MAST4: variants seen among roughly 807,000 people sequenced by gnomAD.
The protein encoded by MAST4 is microtubule associated serine/threonine kinase family member 4, also known as microtubule-associated serine/threonine-protein kinase 4.
MAST4 carries 89 observed loss-of-function variants against 162.7 expected under a neutral mutation model. The ratio of observed to expected loss-of-function variants is 0.55; its 90% CI spans 0.46 to 0.65. The LOEUF (loss-of-function observed/expected upper bound fraction) is 0.65. MAST4 is among the 30% of genes least tolerant of loss of function. MAST4 has a pLI of 0.00. For missense variants in MAST4, 3,153 were observed against 3,374.0 expected, an observed-to-expected ratio of 0.93 and a Z score of 1.62; for synonymous variants, 1,479 against 1,361.1, an observed-to-expected ratio of 1.09 and a Z score of -1.91.
rs559353527 is a variant in MAST4 at position 67,168,490 on chromosome 5, T to G, written c.*1439T>G. The G allele has an allele frequency of 6.6e-6, 1 of 152,320 alleles. No homozygotes were observed. Among genetic ancestry groups the G allele is most frequent in the East Asian group, 1.9e-4 (1 of 5,190 alleles). 9.4% of individuals were successfully genotyped at this position (152,320 alleles called of 1,614,324 possible). ...AGAATTTGTCAAATCATTTTAGTGCTGAAGGTTTTTGATTTCTTGTTTTTG... is the reference window on the plus strand; with the variant it reads ...AGAATTTGTCAAATCATTTTAGTGCGGAAGGTTTTTGATTTCTTGTTTTTG... On this transcript the variant is annotated 3_prime_UTR_variant, in exon 29 of 29. Coordinates refer to ENST00000403625, the MANE Select transcript of MAST4 (RefSeq NM_001164664.2).
intron 5 of MAST4, among the ~76,000 whole-genome samples, chr5:67,082,841 G>T (rs1486608748): frequency 6.6e-6 from 1 of 152,076 alleles, no homozygotes; most frequent in Admixed American, 6.6e-5. Context: ...TGTTAAACAG[G>T]TGAATCTGAG....
chr5:66,895,795 A>T (rs1272649319), intron 3 of MAST4, among the ~76,000 whole-genome samples: 2 of 152,138 alleles, frequency 1.3e-5, no homozygotes, highest in East Asian at 3.9e-4. Flanking sequence ...TCAGCCCCAC[A>T]TCAGTCTTCC....
intron 4 of MAST4, among the ~76,000 whole-genome samples, chr5:66,905,923 G>A (rs1468529213): frequency 1.3e-5 from 2 of 152,120 alleles, no homozygotes; most frequent in African/African-American, 4.8e-5. Flanking sequence ...CTCTTGTCAG[G>A]CCTTAAAAGG....
intron 5 of MAST4, among the ~76,000 whole-genome samples, chr5:67,078,053 C>T (rs760656512): frequency 2.4e-4 from 37 of 152,022 alleles, no homozygotes; most frequent in Non-Finnish European, 1.8e-4. Flanking sequence ...GAGCCAAGAT[C>T]GCGCCATTGC....
In MAST4 at chr5:67,142,200, C is replaced by G. The variant is rs1192463013; in HGVS notation, c.2580C>G (p.Pro860=). 6 of 1,613,822 alleles carry G rather than the reference C, an allele frequency of 3.7e-6. No individual in the cohort carries two copies. Among genetic ancestry groups the G allele is most frequent in the South Asian group, 3.3e-5 (3 of 91,074 alleles). ...TGAGACAGAAGGCAGAATTTATTCC[C>G]CAACTGGAATCTGAGGATGACACAA... ...SLLRQKAEFI[P]QLESEDDTSY... Residue 860 remains proline, a synonymous_variant, in exon 20 of 29, where the codon CCC becomes CCG. Transcript: ENST00000403625.
intron 4 of MAST4, chr5:66,963,647 C>CTA (rs1746294078): frequency 1.3e-6 from 1 of 776,156 alleles, no homozygotes; most frequent in Non-Finnish European, 2.4e-6. Context: ...CTTAACTGAG[C>CTA]TATGCTATTT....
chr5:66,906,508 A>T (rs568584169), intron 4 of MAST4, among the ~76,000 whole-genome samples: 1 of 152,250 alleles, frequency 6.6e-6, no homozygotes, highest in East Asian at 1.9e-4. Flanking sequence ...TAGGAGGTCA[A>T]TCCCCTCTGA....
Position 66,919,966 on chromosome 5 carries a change from TTCCTTCC to T in MAST4, c.674+19986_674+19992del, listed in dbSNP as rs1473614436. ...CTTCCTTCCTTCCTTCCTTCCTTCC[TTCCTTCC>T]TTCTTTCTCTCTCTCTCTCTCTCTC... On this transcript the variant is annotated intron_variant, in intron 4 of 28. Transcript: ENST00000403625. Among the ~76,000 whole-genome samples the T allele has an allele frequency of 1.5e-3, 90 of 61,556 alleles. 1 individual carries two copies. Among genetic ancestry groups the T allele is most frequent in the South Asian group, 7.3e-3 (10 of 1,372 alleles). 40.4% of individuals were successfully genotyped at this position (61,556 alleles called of 152,430 possible).
At chr5:66,954,047 G>A (rs1745006872) in intron 4 of MAST4, among the ~76,000 whole-genome samples, 1 of 152,102 alleles carries the variant, frequency 6.6e-6, no homozygotes, top group African/African-American at 2.4e-5. Flanking sequence ...CATTAATGCA[G>A]CAGTGGTAGG....
intron 2 of MAST4, among the ~76,000 whole-genome samples, chr5:66,773,538 A>C (rs1162195711): frequency 2.0e-5 from 3 of 152,210 alleles, no homozygotes; most frequent in Non-Finnish European, 4.4e-5. Context: ...GAATCATGTC[A>C]TGGTTTGTGT....
In MAST4 at chr5:67,086,407, A is replaced by AT. The variant is rs539161058; in HGVS notation, c.764-3755_764-3754insT. Reference sequence around the variant, plus strand: ...TAATTAATCTGGAAATCACTTTCTTAACAATAGCTGCTGCTAAAATGAGGC... The same window carrying AT: ...TAATTAATCTGGAAATCACTTTCTTATACAATAGCTGCTGCTAAAATGAGGC... On this transcript the variant is annotated intron_variant, in intron 5 of 28. Coordinates refer to ENST00000403625, the MANE Select transcript of MAST4 (RefSeq NM_001164664.2). Among the ~76,000 whole-genome samples, 1,212 of 152,344 alleles carry AT rather than the reference A, an allele frequency of 8.0e-3. 17 individuals carry two copies. Among genetic ancestry groups the AT allele is most frequent in the African/African-American group, 0.028 (1,149 of 41,586 alleles).
At chr5:67,081,127 A>G (rs1762613751) in intron 5 of MAST4, among the ~76,000 whole-genome samples, 3 of 145,198 alleles carry the variant, frequency 2.1e-5, no homozygotes, top group Non-Finnish European at 3.0e-5. Flanking sequence ...TTTTTTTAAC[A>G]GAGGTTTTAA....
chr5:66,837,884 ATATATATATATTTTTTTTTTTTTTTTTT>A (rs1283738590), intron 3 of MAST4, among the ~76,000 whole-genome samples: 3 of 77,498 alleles, frequency 3.9e-5, no homozygotes, highest in African/African-American at 1.7e-4. Flanking sequence ...ATATATATAT[ATATATATATATTTTTTTTTTTTTTTTTT>A]TTTTTAATGT....
chr5:66,917,239 T>G (rs1356521272), intron 4 of MAST4: 2 of 474,624 alleles, frequency 4.2e-6, no homozygotes, highest in East Asian at 6.3e-5. Context: ...TCATTTACAT[T>G]TCTCTTTTCT....
intron 4 of MAST4, chr5:66,963,618 C>A: frequency 1.3e-6 from 1 of 745,380 alleles, no homozygotes; most frequent in Non-Finnish European, 2.5e-6. Flanking sequence ...GTGATTCTGG[C>A]CTAAAGGGAA....
intron 4 of MAST4, among the ~76,000 whole-genome samples, chr5:66,954,184 CTAGTG>C (rs1745025277): frequency 6.6e-6 from 1 of 152,192 alleles, no homozygotes; most frequent in Non-Finnish European, 1.5e-5. Context: ...TCACACTACT[CTAGTG>C]TAGCCTTAGG....
At chr5:66,809,928 G>T (rs187570577) in intron 3 of MAST4, among the ~76,000 whole-genome samples, 1 of 152,166 alleles carries the variant, frequency 6.6e-6, no homozygotes, top group African/African-American at 2.4e-5. Flanking sequence ...TAGAGATGGG[G>T]TATACACAGT....
At position 66,978,974 on chromosome 5, in the gene MAST4, A is replaced by G. The variant is rs150248296; in HGVS notation, c.675-75430A>G. Among the ~76,000 whole-genome samples the G allele has an allele frequency of 5.4e-3, 825 of 152,304 alleles. 4 individuals carry two copies. Among genetic ancestry groups the G allele is most frequent in the Non-Finnish European group, 9.1e-3 (620 of 68,034 alleles). ...CAGAAAAGGAATGATGAAGAGCTGA[A>G]GAAAGGCAGGCTTGAGAAGGGGAAG... On this transcript the variant is annotated intron_variant, in intron 4 of 28. Transcript: ENST00000403625.
At chr5:66,892,636 G>A (rs903612514) in intron 3 of MAST4, among the ~76,000 whole-genome samples, 2 of 152,058 alleles carry the variant, frequency 1.3e-5, no homozygotes, top group African/African-American at 4.8e-5. Context: ...TCCTCGTTAG[G>A]GGAAAGAGTG....
Sources: gnomAD v4.1 joint callset for allele counts (sites outside exome capture counted in the v4.1 genomes callset) on GRCh38, gnomAD v4.1.1 for gene constraint, MANE v1.5 for transcripts, NCBI Gene and HGNC (gene_info 2026-07-23, HGNC 2026-07-21) for gene names.